DOCK3: variants seen among roughly 807,000 people sequenced by gnomAD.
DOCK3 encodes dedicator of cytokinesis 3.
DOCK3 carries 60 observed loss-of-function variants against 265.6 expected under a neutral mutation model. That is an observed-to-expected ratio of 0.23 (90% CI 0.18 to 0.28). The LOEUF is 0.28. DOCK3 is among the 10% of genes least tolerant of loss of function. The pLI is 1.00. For synonymous variants in DOCK3, 881 were observed against 938.0 expected (o/e 0.94, Z 1.11); for missense variants, 1,981 against 2,594.3 (o/e 0.76, Z 5.14).
At chr3:51,136,470 C>A (rs545480272) in intron 9 of DOCK3, among the ~76,000 whole-genome samples, 26 of 152,094 alleles carry the variant, frequency 1.7e-4, no homozygotes, top group African/African-American at 6.3e-4. Flanking sequence ...GATCTCCTGA[C>A]CTTGTGATCC....
chr3:51,127,640 AAGG>A (rs2084326415), intron 9 of DOCK3, among the ~76,000 whole-genome samples: 1 of 152,244 alleles, frequency 6.6e-6, no homozygotes, highest in Non-Finnish European at 1.5e-5. Flanking sequence ...TTAACAAAAG[AAGG>A]AGGAAATACT....
At position 51,341,276 on chromosome 3, in the gene DOCK3, A is replaced by G. The variant is rs1216652490; in HGVS notation, c.3806A>G (p.Gln1269Arg). Residue 1269 changes from glutamine (Q) to arginine (R), a missense_variant, in exon 38 of 53, where the codon CAG becomes CGG. Physicochemically the swap from Gln to Arg is conservative, Grantham distance 43 (BLOSUM62 1). Transcript: ENST00000266037. ...CTGCTCCTTTACTGTGAGCTGCTGC[A>G]GTGGGAGGACCGGCCACTACGGGAA... ...FTLLLYCELL[Q>R]WEDRPLREFL... The G allele has an allele frequency of 6.2e-7, 1 of 1,606,958 alleles. No homozygotes were observed. Among genetic ancestry groups the G allele is most frequent in the Non-Finnish European group, 8.5e-7 (1 of 1,176,302 alleles).
chr3:50,999,645 G>A (rs1435332809), intron 5 of DOCK3, among the ~76,000 whole-genome samples: 2 of 151,952 alleles, frequency 1.3e-5, no homozygotes, highest in African/African-American at 4.8e-5. Context: ...TCTATCCAAC[G>A]TTTTCATTTT....
chr3:51,203,612 G>T (rs1285504023), intron 12 of DOCK3, among the ~76,000 whole-genome samples: 1 of 152,160 alleles, frequency 6.6e-6, no homozygotes, highest in Non-Finnish European at 1.5e-5. Context: ...TAGATTCAAT[G>T]CCATCCCCAT....
intron 5 of DOCK3, among the ~76,000 whole-genome samples, chr3:50,986,263 G>A (rs1037709241): frequency 2.0e-5 from 3 of 152,174 alleles, no homozygotes; most frequent in Non-Finnish European, 4.4e-5. Flanking sequence ...AATTATGCAA[G>A]TATATAGTTA....
At chr3:50,933,794 C>T (rs1274943642) in intron 4 of DOCK3, among the ~76,000 whole-genome samples, 187 bp from the exon 5 acceptor site, 1 of 152,122 alleles carries the variant, frequency 6.6e-6, no homozygotes, top group Admixed American at 6.5e-5. Context: ...AATCTCTTTA[C>T]TTTAATTCAG....
chr3:50,681,724 C>G (rs573212012), intron 1 of DOCK3, among the ~76,000 whole-genome samples: 154 of 152,278 alleles, frequency 1.0e-3, no homozygotes, highest in Non-Finnish European at 2.0e-3. Context: ...TCCCATTTTC[C>G]TGCTTATCTA....
Position 50,930,291 on chromosome 3 carries a change from A to G in DOCK3, c.219-3690A>G, listed in dbSNP as rs139415590. On this transcript the variant is annotated intron_variant, in intron 4 of 52. Transcript: ENST00000266037. Reference sequence around the variant, plus strand: ...ACATCACTCATGTTTCCCTATTTCCATAGTGTCAAATTTAAAATCTCACAG... The same window carrying G: ...ACATCACTCATGTTTCCCTATTTCCGTAGTGTCAAATTTAAAATCTCACAG... 3.5e-3 allele frequency among the ~76,000 whole-genome samples: 535 copies of G among 152,330 alleles called. 3 individuals are homozygous for G. Among genetic ancestry groups the G allele is most frequent in the Middle Eastern group, 6.8e-3 (2 of 294 alleles).
intron 5 of DOCK3, among the ~76,000 whole-genome samples, chr3:51,061,282 A>G (rs2081398745): frequency 6.6e-6 from 1 of 152,208 alleles, no homozygotes; most frequent in Non-Finnish European, 1.5e-5. Context: ...TTGCGGCACT[A>G]TTCACAATAG....
chr3:51,110,578 A>T (rs142205340), intron 9 of DOCK3, among the ~76,000 whole-genome samples: 1 of 152,370 alleles, frequency 6.6e-6, no homozygotes, highest in Non-Finnish European at 1.5e-5. Flanking sequence ...AGAACTAAAG[A>T]TAAAAACCCC....
intron 2 of DOCK3, among the ~76,000 whole-genome samples, chr3:50,781,876 G>A (rs1428910773): frequency 2.0e-5 from 3 of 152,078 alleles, no homozygotes; most frequent in Non-Finnish European, 2.9e-5. Context: ...GAGAATATGT[G>A]GTATTTGGTT....
At chr3:51,289,630 G>C (rs914687216) in intron 27 of DOCK3, among the ~76,000 whole-genome samples, 1 of 151,700 alleles carries the variant, frequency 6.6e-6, no homozygotes, top group Non-Finnish European at 1.5e-5. Flanking sequence ...TTCCTGAATG[G>C]ATTTTTTTTT....
At chr3:51,308,683 T>G (rs1162888776) in intron 27 of DOCK3, among the ~76,000 whole-genome samples, 1 of 152,258 alleles carries the variant, frequency 6.6e-6, no homozygotes, top group African/African-American at 2.4e-5. Flanking sequence ...CCCTTTTCTA[T>G]TCCACAAAAC....
At chr3:51,340,064 A>G (rs2085138819) in intron 37 of DOCK3, among the ~76,000 whole-genome samples, 1 of 152,220 alleles carries the variant, frequency 6.6e-6, no homozygotes, top group Admixed American at 6.5e-5. Flanking sequence ...CATTCTCTGC[A>G]TCCACTTGCA....
At chr3:51,343,262 C>T (rs1479207603) in intron 38 of DOCK3, among the ~76,000 whole-genome samples, 1 of 152,186 alleles carries the variant, frequency 6.6e-6, no homozygotes, top group Non-Finnish European at 1.5e-5. Flanking sequence ...CACACCCTGC[C>T]TCACAAGGCA....
chr3:51,077,774 C>T (rs1021790146), intron 7 of DOCK3, among the ~76,000 whole-genome samples: 3 of 152,158 alleles, frequency 2.0e-5, no homozygotes, highest in African/African-American at 4.8e-5. Flanking sequence ...AGACATCCCA[C>T]CAGAGATGCT....
chr3:51,311,957 C>G lies in DOCK3; in HGVS notation c.3018-47C>G, dbSNP rs1182679353. The G allele has an allele frequency of 6.2e-6, 9 of 1,442,630 alleles. No individual in the cohort carries two copies. The East Asian group carries it at 1.9e-4, about 31-fold the overall frequency. The allele number at this position is 1,442,630 out of a possible 1,614,324, so 89.4% of individuals were successfully genotyped here. ...CAGCTGATACCAAGCCATCAGATGC[C>G]ATTGTTAGTCTTTTAATTCTGCCAA... On this transcript the variant is annotated intron_variant, in intron 28 of 52. Transcript: ENST00000266037.
In DOCK3 at chr3:51,067,427, T is replaced by TTGTGTGTGTGTGTGTGTGTGTGTGTG. The variant is rs60551624; in HGVS notation, c.464+2836_464+2861dup. 2.8e-5 allele frequency among the ~76,000 whole-genome samples: 4 copies of TTGTGTGTGTGTGTGTGTGTGTGTGTG among 144,204 alleles called. 1 individual carries two copies. The highest frequency in any genetic ancestry group is 1.1e-4 in the African/African-American group (4 of 38,090). The allele number at this position is 144,204 out of a possible 152,430, so 94.6% of individuals were successfully genotyped here. A position where few individuals can be genotyped will look rare whatever the true frequency, so the allele number is the denominator to read the frequency against. On this transcript the variant is annotated intron_variant, in intron 6 of 52. Coordinates refer to ENST00000266037, the MANE Select transcript of DOCK3 (RefSeq NM_004947.5). Reference sequence around the variant, plus strand: ...ATGACTTTTTCTCAATGAAATATGTTTGTGTGTGTGTGTGTGTGTGTGTGT... The same window carrying TTGTGTGTGTGTGTGTGTGTGTGTGTG: ...ATGACTTTTTCTCAATGAAATATGTTTGTGTGTGTGTGTGTGTGTGTGTGTGTGTGTGTGTGTGTGTGTGTGTGTGT...
At chr3:51,296,747 A>AT (rs1473315451) in intron 27 of DOCK3, among the ~76,000 whole-genome samples, 1 of 151,970 alleles carries the variant, frequency 6.6e-6, no homozygotes, top group Non-Finnish European at 1.5e-5. Context: ...AAGTAAATTG[A>AT]TTTTTTATAA....
Sources: gnomAD v4.1 joint callset for allele counts (sites outside exome capture counted in the v4.1 genomes callset) on GRCh38, gnomAD v4.1.1 for gene constraint, MANE v1.5 for transcripts, NCBI Gene and HGNC (gene_info 2026-07-23, HGNC 2026-07-21) for gene names.